The following NOS1 variants were observed in gnomAD, a reference collection of about 807,000 sequenced individuals.
The protein encoded by NOS1 is NOS type I.
Under a neutral mutation model 164.5 loss-of-function variants are expected in NOS1, and 51 were observed. That is an observed-to-expected ratio of 0.31 (90% CI 0.25 to 0.39). The LOEUF is 0.39. Among genes scored for constraint, NOS1 ranks in the 10% least tolerant of loss-of-function variants. NOS1 has a pLI of 1.00. For missense variants in NOS1, 1,362 were observed against 1,885.6 expected (o/e 0.72, Z 5.14); for synonymous variants, 719 against 745.8 (o/e 0.96, Z 0.59).
In NOS1 at chr12:117,278,797, C is replaced by A. The variant is rs368461162; in HGVS notation, c.1525-699G>T. Among the ~76,000 whole-genome samples, 25 of 149,232 alleles carry A rather than the reference C, an allele frequency of 1.7e-4. 1 individual carries two copies. Among genetic ancestry groups the A allele is most frequent in the Admixed American group, 6.7e-4 (10 of 14,954 alleles). Reference sequence around the variant, plus strand: ...ACTCATCTTAAAGTTCAATAATGTCCTTGATATTAATATTAATTTATTAAT... The same window carrying A: ...ACTCATCTTAAAGTTCAATAATGTCATTGATATTAATATTAATTTATTAAT... On this transcript the variant is annotated intron_variant, in intron 8 of 28. Transcript: ENST00000317775.
At chr12:117,323,039 A>T (rs371790832) in intron 2 of NOS1, among the ~76,000 whole-genome samples, 1 of 151,944 alleles carries the variant, frequency 6.6e-6, no homozygotes, top group South Asian at 2.1e-4. Flanking sequence ...TTTTCATCCC[A>T]TCCTTCACCC....
rs528549895 is a variant in NOS1, at chr12:117,289,356, CAG to C, written c.981+940_981+941del. Reference sequence around the variant, plus strand: ...TGAGAATCCACCAGTGGTTCTCAAACAGGGGTGAATTTCTTGCCCAGGGAATG... The same window carrying C: ...TGAGAATCCACCAGTGGTTCTCAAACGGGTGAATTTCTTGCCCAGGGAATG... On this transcript the variant is annotated intron_variant, in intron 4 of 28. Coordinates refer to ENST00000317775, the MANE Select transcript of NOS1 (RefSeq NM_000620.5). 1.5e-3 allele frequency among the ~76,000 whole-genome samples: 230 copies of C among 152,232 alleles called. 2 individuals are homozygous for C. The Middle Eastern group carries it at 0.017, about 11-fold the overall frequency.
chr12:117,265,730 G>A (rs1037561533), intron 11 of NOS1, among the ~76,000 whole-genome samples: 5 of 151,940 alleles, frequency 3.3e-5, no homozygotes, highest in Admixed American at 6.6e-5. Flanking sequence ...AACACCTTTC[G>A]TGTCGATCTT....
At chr12:117,249,241 A>G (rs1870897608) in intron 17 of NOS1, among the ~76,000 whole-genome samples, 1 of 152,180 alleles carries the variant, frequency 6.6e-6, no homozygotes, top group Non-Finnish European at 1.5e-5. Flanking sequence ...GGCAACCCCA[A>G]GCTCATCTGT....
rs1206259730 is a variant in NOS1, at chr12:117,330,964, C to T, written c.106G>A (p.Val36Ile). Reference protein sequence around the residue: ...GGLGFLVKERVSKPPVIISDL... With the variant: ...GGLGFLVKERISKPPVIISDL... ...GAGATGATCACGGGCGGCTTACTGACCCGCTCCTTCACCAGAAATCCCAGG... is the reference window on the plus strand; with the variant it reads ...GAGATGATCACGGGCGGCTTACTGATCCGCTCCTTCACCAGAAATCCCAGG... The change falls in exon 2 of 29, where the codon GTC (valine) becomes ATC (isoleucine). Residue 36 changes from valine to isoleucine, a missense_variant. This residue lies in a region of NOS1 where 362 missense variants were observed against 402.0 expected (regional missense o/e 0.90). Coordinates refer to ENST00000317775, the MANE Select transcript of NOS1 (RefSeq NM_000620.5). The surrounding 1 kb of genome is among the most constrained non-coding windows in gnomAD (Gnocchi z 4.6). 1 of 1,614,172 alleles carries T rather than the reference C, an allele frequency of 6.2e-7. No individual in the cohort carries two copies. The highest frequency in any genetic ancestry group is 2.2e-5 in the East Asian group (1 of 44,872).
chr12:117,278,792 A>G (rs895680052), intron 8 of NOS1, among the ~76,000 whole-genome samples: 4 of 149,882 alleles, frequency 2.7e-5, no homozygotes, highest in Admixed American at 2.0e-4. Flanking sequence ...AAGTTCAATA[A>G]TGTCCTTGAT....
intron 11 of NOS1, among the ~76,000 whole-genome samples, chr12:117,265,925 G>A (rs1230585656): frequency 1.3e-5 from 2 of 151,384 alleles, no homozygotes; most frequent in Non-Finnish European, 2.9e-5. Flanking sequence ...CGAGTAGCTG[G>A]GACTACAGGC....
intron 21 of NOS1, among the ~76,000 whole-genome samples, chr12:117,232,862 TTTTTA>T (rs1869366332): frequency 6.6e-6 from 1 of 151,968 alleles, no homozygotes. Context: ...TTTATTTTTA[TTTTTA>T]TTTTATTTAT....
chr12:117,227,441 G>A lies in NOS1; in HGVS notation c.3606C>T (p.Tyr1202=). The A allele has an allele frequency of 6.2e-7, 1 of 1,613,940 alleles. No homozygotes were observed. The highest frequency in any genetic ancestry group is 8.5e-7 in the Non-Finnish European group (1 of 1,179,970). Residue 1202 remains tyrosine (Y), a synonymous_variant, in exon 23 of 29, where the codon TAC becomes TAT. Coordinates refer to ENST00000317775, the MANE Select transcript of NOS1 (RefSeq NM_000620.5). ...AGTGCCTCCGCCCACCTCGAGTGCG[G>A]TAGGAAACGATGGCCACAGTGAGGT... ...EVHLTVAIVS[Y]RTRDGEGPIH...
chr12:117,290,542 C>A (rs1049604204), intron 3 of NOS1, 116 bp from the exon 4 acceptor site: 6 of 1,249,744 alleles, frequency 4.8e-6, no homozygotes, highest in Non-Finnish European at 6.6e-6. Context: ...GAGTGACCAA[C>A]TGTCTACATC....
intron 3 of NOS1, among the ~76,000 whole-genome samples, chr12:117,304,787 T>G (rs576269770): frequency 1.3e-5 from 2 of 152,156 alleles, no homozygotes; most frequent in African/African-American, 4.8e-5. Flanking sequence ...CCTCCTGAGA[T>G]GGACTTAAAA....
chr12:117,242,701 T>C lies in NOS1; in HGVS notation c.2967A>G (p.Leu989=), dbSNP rs769428085. The stretch of plus-strand genomic sequence containing the variant: ...AGACTCGCTTTTTGTGGACATTGGA[T>C]AGACCTGTGGGGAGAAAAACAACAG... The part of the protein sequence containing the change: ...VAEAPELTQG[L]SNVHKKRVSA... Residue 989 remains leucine (L), a synonymous_variant, in exon 20 of 29, where the codon CTA becomes CTG. Coordinates refer to ENST00000317775, the MANE Select transcript of NOS1 (RefSeq NM_000620.5). 4 of 1,614,044 alleles carry C rather than the reference T, an allele frequency of 2.5e-6. No individual in the cohort carries two copies. The highest frequency in any genetic ancestry group is 3.4e-6 in the Non-Finnish European group (4 of 1,179,924).
chr12:117,342,755 A>G (rs1396839211), intron 1 of NOS1, among the ~76,000 whole-genome samples: 1 of 152,034 alleles, frequency 6.6e-6, no homozygotes, highest in African/African-American at 2.4e-5. Context: ...CTGGATGGCA[A>G]ATGGGTGGGA....
chr12:117,288,930 A>G (rs41396553), intron 4 of NOS1, among the ~76,000 whole-genome samples: 55 of 152,340 alleles, frequency 3.6e-4, no homozygotes, highest in African/African-American at 1.3e-3. Flanking sequence ...ATGTAACTAC[A>G]GATGCATGAG....
intron 1 of NOS1, among the ~76,000 whole-genome samples, chr12:117,360,702 A>G (rs1306383668): frequency 6.6e-6 from 1 of 152,188 alleles, no homozygotes; most frequent in Non-Finnish European, 1.5e-5. Flanking sequence ...GCAGTGCCAA[A>G]GACTCCGCCA....
rs149714710 is a variant in NOS1 at position 117,344,802 on chromosome 12, G to A, written c.-420-13313C>T. 4.0e-3 allele frequency among the ~76,000 whole-genome samples: 608 copies of A among 152,232 alleles called. 1 individual carries two copies. Among genetic ancestry groups the A allele is most frequent in the Middle Eastern group, 0.017 (5 of 294 alleles). ...TTTGTGATACGTGCATTTATATGGG[G>A]AAAACAGGCCATGGCATTAATACAA... is the stretch of plus-strand genomic sequence containing the variant. On this transcript the variant is annotated intron_variant, in intron 1 of 28. Transcript: ENST00000317775.
intron 3 of NOS1, among the ~76,000 whole-genome samples, chr12:117,294,669 G>A (rs1211137504): frequency 6.6e-6 from 1 of 152,186 alleles, no homozygotes; most frequent in East Asian, 1.9e-4. Context: ...AGTTCTCCTG[G>A]TCAAAATGCA....
intron 23 of NOS1, 32 bp from the exon 24 acceptor site, chr12:117,226,802 C>CCACT: frequency 6.4e-7 from 1 of 1,563,842 alleles, no homozygotes; most frequent in South Asian, 1.1e-5. Context: ...TCAGGGCCAC[C>CCACT]CACTGCTCCC....
At chr12:117,221,860 A>T (rs1449143214) in intron 26 of NOS1, among the ~76,000 whole-genome samples, 1 of 130,452 alleles carries the variant, frequency 7.7e-6, no homozygotes, top group Non-Finnish European at 1.6e-5. Flanking sequence ...GGGTCTCAGT[A>T]TGTTGCCCAG....
Sources: allele counts gnomAD v4.1 joint callset (sites outside exome capture counted in the v4.1 genomes callset), GRCh38; gene constraint gnomAD v4.1.1; regional missense constraint gnomAD v4.1.1; non-coding constraint Gnocchi (gnomAD v3.1); transcripts MANE v1.5; gene names NCBI Gene and HGNC (gene_info 2026-07-23, HGNC 2026-07-21).